PLPP3: variants seen among roughly 807,000 people sequenced by gnomAD.
The protein encoded by PLPP3 is phospholipid phosphatase 3, also known as PAP2 beta.
Under a neutral mutation model 29.6 loss-of-function variants are expected in PLPP3, and 6 were observed. The observed-to-expected ratio is 0.20, with a 90% CI of 0.11 to 0.40. The LOEUF (loss-of-function observed/expected upper bound fraction) is 0.40. Ranked by LOEUF, PLPP3 falls within the 10% of genes least tolerant of loss-of-function variation. PLPP3 has a pLI of 1.00. For missense variants in PLPP3, 308 were observed against 407.7 expected, an observed-to-expected ratio of 0.76 and a Z score of 2.11; for synonymous variants, 152 against 159.7, an observed-to-expected ratio of 0.95 and a Z score of 0.36.
Position 56,556,988 on chromosome 1 carries a change from AAGAAAG to A in PLPP3, c.140-19882_140-19877del, listed in dbSNP as rs1295912117. On this transcript the variant is annotated intron_variant, in intron 1 of 5. Coordinates refer to ENST00000371250, the MANE Select transcript of PLPP3 (RefSeq NM_003713.5). ...AAAGAAAGAAAGAAAGAAAGAAAGA[AAGAAAG>A]AAAGAAAGAAAGAAAGAGAGAGAGA... Among the ~76,000 whole-genome samples, 2 of 6,750 alleles carry A rather than the reference AAGAAAG, an allele frequency of 3.0e-4. 1 individual carries two copies. Among genetic ancestry groups the A allele is most frequent in the African/African-American group, 8.7e-4 (2 of 2,312 alleles). 4.4% of individuals were successfully genotyped at this position (6,750 alleles called of 152,430 possible).
chr1:56,540,465 G>A (rs1168619995), intron 1 of PLPP3, among the ~76,000 whole-genome samples: 1 of 152,086 alleles, frequency 6.6e-6, no homozygotes, highest in African/African-American at 2.4e-5. Flanking sequence ...TCACAGAGAA[G>A]GCAAGGGAAA....
intron 1 of PLPP3, among the ~76,000 whole-genome samples, chr1:56,565,641 G>A (rs532486635): frequency 9.2e-5 from 14 of 152,086 alleles, no homozygotes; most frequent in South Asian, 8.3e-4. Flanking sequence ...GGTTGGTCTC[G>A]AACTCCTGAC....
intron 4 of PLPP3, among the ~76,000 whole-genome samples, chr1:56,515,442 C>T (rs1031992515): frequency 6.6e-6 from 1 of 152,112 alleles, no homozygotes; most frequent in African/African-American, 2.4e-5. Context: ...CCGGACAAAG[C>T]CCACATCTCC....
intron 4 of PLPP3, among the ~76,000 whole-genome samples, chr1:56,516,704 C>A (rs983032359): frequency 6.6e-6 from 1 of 151,758 alleles, no homozygotes; most frequent in African/African-American, 2.4e-5. Context: ...TAGATTGGAA[C>A]CTTTTCTCTG....
chr1:56,556,381 T>G (rs1042904958), intron 1 of PLPP3, among the ~76,000 whole-genome samples: 1 of 152,184 alleles, frequency 6.6e-6, no homozygotes, highest in Non-Finnish European at 1.5e-5. Context: ...GATCAAGTAA[T>G]GATAAAATAA....
chr1:56,537,569 A>G (rs1282607340), intron 1 of PLPP3, among the ~76,000 whole-genome samples: 1 of 152,094 alleles, frequency 6.6e-6, no homozygotes, highest in Non-Finnish European at 1.5e-5. Context: ...CCTTGGAGTA[A>G]AAAAATCTGG....
chr1:56,551,279 GGGTTT>G (rs1553138847), intron 1 of PLPP3, among the ~76,000 whole-genome samples: 7 of 135,924 alleles, frequency 5.1e-5, no homozygotes, highest in Non-Finnish European at 8.2e-5. Context: ...TCTGGGTTTG[GGGTTT>G]GGTTTGGTTC....
Position 56,520,097 on chromosome 1 carries a change from TAGAC to T in PLPP3, c.633+3722_633+3725del, listed in dbSNP as rs554697787. 3.8e-3 allele frequency among the ~76,000 whole-genome samples: 571 copies of T among 152,178 alleles called. 5 individuals carry two copies. The highest frequency in any genetic ancestry group is 0.013 in the African/African-American group (557 of 41,500). ...AGAGCCATTGTGATTGAGAGATAAA[TAGAC>T]AGGCCATCTCATCCCACTCTTTCAT... On this transcript the variant is annotated intron_variant, in intron 4 of 5. Coordinates refer to ENST00000371250, the MANE Select transcript of PLPP3 (RefSeq NM_003713.5).
At chr1:56,535,288 A>C (rs551845167) in intron 2 of PLPP3, among the ~76,000 whole-genome samples, 1 of 152,298 alleles carries the variant, frequency 6.6e-6, no homozygotes, top group Admixed American at 6.5e-5. Context: ...AACCCTAAGA[A>C]TATCTAGCTC....
At chr1:56,562,368 A>T (rs997501871) in intron 1 of PLPP3, among the ~76,000 whole-genome samples, 14 of 152,204 alleles carry the variant, frequency 9.2e-5, no homozygotes, top group Admixed American at 7.2e-4. Flanking sequence ...TCACTGCATA[A>T]AGAATACACG....
At chr1:56,512,192 T>A (rs966721400) in intron 4 of PLPP3, 40 bp from the exon 5 acceptor site, 2 of 1,508,414 alleles carry the variant, frequency 1.3e-6, no homozygotes, top group African/African-American at 2.8e-5. Flanking sequence ...ATTAAGTGAC[T>A]CCCCACTCAC....
At chr1:56,538,335 AATG>A (rs1205044919) in intron 1 of PLPP3, 2 of 241,582 alleles carry the variant, frequency 8.3e-6, no homozygotes, top group East Asian at 2.0e-4. Flanking sequence ...ACCAAGCTCC[AATG>A]ACACTTCGCA....
chr1:56,565,403 A>G (rs72664378), intron 1 of PLPP3, among the ~76,000 whole-genome samples: 1,641 of 152,164 alleles, frequency 0.011, 15 homozygotes, highest in Admixed American at 0.02. Context: ...TGTGAATGAT[A>G]AAAGGCCTAA....
intron 2 of PLPP3, among the ~76,000 whole-genome samples, chr1:56,530,959 G>A (rs779276700): frequency 3.9e-5 from 6 of 152,294 alleles, no homozygotes; most frequent in Non-Finnish European, 8.8e-5. Context: ...CCTTAAAGTA[G>A]AGCTCAAGTG....
At chr1:56,566,234 C>G (rs530832175) in intron 1 of PLPP3, among the ~76,000 whole-genome samples, 1 of 152,116 alleles carries the variant, frequency 6.6e-6, no homozygotes. Context: ...GTTGCCAATG[C>G]GAAAGCCAGC....
chr1:56,512,469 G>C (rs1645747528), intron 4 of PLPP3: 2 of 214,002 alleles, frequency 9.3e-6, no homozygotes, highest in Admixed American at 1.2e-4. Context: ...AAAATTATCT[G>C]GGTGTGATGG....
chr1:56,511,956 G>A lies in PLPP3; in HGVS notation c.810+20C>T, dbSNP rs1294280647. 6.2e-6 allele frequency: 10 copies of A among 1,612,612 alleles called. No homozygotes were observed. The highest frequency in any genetic ancestry group is 7.6e-6 in the Non-Finnish European group (9 of 1,179,288). On this transcript the variant is annotated intron_variant, in intron 5 of 5. Transcript: ENST00000371250. ...CAGTCCAGGGCTCCACTTGCATATT[G>A]AGGACAAGATGCTACTTACTATGCA... is the stretch of plus-strand genomic sequence containing the variant.
At chr1:56,570,084 C>T (rs1345136024) in intron 1 of PLPP3, among the ~76,000 whole-genome samples, 1 of 152,148 alleles carries the variant, frequency 6.6e-6, no homozygotes, top group Non-Finnish European at 1.5e-5. Context: ...GCCATGGAAA[C>T]CCTGGGGCCT....
chr1:56,575,101 T>C (rs1219549572), intron 1 of PLPP3, among the ~76,000 whole-genome samples: 1 of 151,862 alleles, frequency 6.6e-6, no homozygotes, highest in African/African-American at 2.4e-5. Flanking sequence ...TCAGCATATG[T>C]CAAGTCTCTA....
Sources: allele counts gnomAD v4.1 joint callset (sites outside exome capture counted in the v4.1 genomes callset), GRCh38; gene constraint gnomAD v4.1.1; transcripts MANE v1.5; gene names NCBI Gene and HGNC (gene_info 2026-07-23, HGNC 2026-07-21).